The following PCDH11X variants were observed in gnomAD, a reference collection of about 807,000 sequenced individuals.
PCDH11X encodes protocadherin 11 X-linked.
PCDH11X carries 18 observed loss-of-function variants against 53.3 expected under a neutral mutation model. The observed-to-expected ratio is 0.34, with a 90% CI of 0.23 to 0.50. The LOEUF is 0.50. Ranked by LOEUF, PCDH11X falls within the 20% of genes least tolerant of loss-of-function variation. PCDH11X has a pLI of 0.98. For synonymous variants in PCDH11X, 279 were observed against 393.3 expected (o/e 0.71, Z 3.44); for missense variants, 570 against 1,032.4 (o/e 0.55, Z 6.14).
chrX:92,159,221 T>C (rs994357723), intron 6 of PCDH11X, among the ~76,000 whole-genome samples: 30 of 110,829 alleles, frequency 2.7e-4, no homozygotes, highest in African/African-American at 9.5e-4. Context: ...TCCTAGTTAA[T>C]GGAATCATAT....
At chrX:92,066,416 T>C in intron 6 of PCDH11X, among the ~76,000 whole-genome samples, 1 of 101,249 alleles carries the variant, frequency 9.9e-6, no homozygotes, top group South Asian at 5.0e-4. Context: ...TTGCATTGAA[T>C]CTGTAAATTC....
intron 9 of PCDH11X, among the ~76,000 whole-genome samples, chrX:92,397,482 G>A (rs949745100): frequency 1.3e-4 from 14 of 108,659 alleles, no homozygotes; most frequent in Non-Finnish European, 2.1e-4. Flanking sequence ...TTTTTTTTTG[G>A]GTGGGGGGAC....
At chrX:91,925,150 G>C (rs1255556582) in intron 6 of PCDH11X, among the ~76,000 whole-genome samples, 1 of 110,819 alleles carries the variant, frequency 9.0e-6, no homozygotes, top group Non-Finnish European at 1.9e-5. Context: ...CATAAAAAAT[G>C]GACTTAATAC....
chrX:92,592,155 G>GCTAA (rs1365895696), intron 10 of PCDH11X, among the ~76,000 whole-genome samples: 1 of 87,307 alleles, frequency 1.1e-5, no homozygotes, highest in Non-Finnish European at 2.2e-5. Flanking sequence ...TGGGTCAGTT[G>GCTAA]CTAACTCTTT....
chrX:92,029,523 G>T (rs1483600995), intron 6 of PCDH11X, among the ~76,000 whole-genome samples: 1 of 111,451 alleles, frequency 9.0e-6, no homozygotes, highest in African/African-American at 3.3e-5. Flanking sequence ...AGCTCCCAAT[G>T]TAATTAAGAT....
At chrX:92,508,029 G>A (rs1238854271) in intron 10 of PCDH11X, among the ~76,000 whole-genome samples, 2 of 109,828 alleles carry the variant, frequency 1.8e-5, no homozygotes, top group Admixed American at 1.9e-4. Flanking sequence ...TGACCAGGCT[G>A]GTCTCAAGCT....
At chrX:92,181,621 C>T (rs1387398233) in intron 6 of PCDH11X, among the ~76,000 whole-genome samples, 1 of 111,891 alleles carries the variant, frequency 8.9e-6, no homozygotes, top group African/African-American at 3.2e-5. Context: ...AGTCCCTCTG[C>T]TATGTGCAGT....
intron 9 of PCDH11X, among the ~76,000 whole-genome samples, chrX:92,404,679 G>A (rs1008836161): frequency 1.9e-5 from 2 of 105,755 alleles, no homozygotes; most frequent in African/African-American, 6.9e-5. Context: ...GACTTTTAAG[G>A]AAAAATTATA....
intron 6 of PCDH11X, among the ~76,000 whole-genome samples, chrX:92,100,451 G>C (rs1426779254): frequency 1.8e-5 from 2 of 109,729 alleles, no homozygotes; most frequent in Non-Finnish European, 3.8e-5. Flanking sequence ...GTCGCAAGGT[G>C]CTCAGTGGGG....
At chrX:91,820,780 T>A (rs1936646347) in intron 4 of PCDH11X, among the ~76,000 whole-genome samples, 1 of 102,324 alleles carries the variant, frequency 9.8e-6, no homozygotes, top group Admixed American at 9.8e-5. Flanking sequence ...TGCCTAGGCT[T>A]TCTTCTAGCG....
Position 92,218,727 on chromosome X carries a change from T to A in PCDH11X, c.3114+17272T>A, listed in dbSNP as rs769883790. Among the ~76,000 whole-genome samples, 5 of 111,415 alleles carry A rather than the reference T, an allele frequency of 4.5e-5. No homozygotes were observed. In the South Asian group the frequency reaches 1.9e-3, roughly 42 times the overall value. On this transcript the variant is annotated intron_variant, in intron 7 of 10. Coordinates refer to ENST00000682573, the MANE Select transcript of PCDH11X (RefSeq NM_032968.5). ...CCAGCATCATCCTGATACCAAAGCCTGACAGAGACACAACCAAAAAAAAGA... is the reference window on the plus strand; with the variant it reads ...CCAGCATCATCCTGATACCAAAGCCAGACAGAGACACAACCAAAAAAAAGA...
chrX:92,167,555 C>A (rs181227032), intron 6 of PCDH11X, among the ~76,000 whole-genome samples: 28 of 111,473 alleles, frequency 2.5e-4, no homozygotes, highest in Admixed American at 2.1e-3. Flanking sequence ...AGTAATTTTC[C>A]GTGTTGTTTT....
At chrX:92,247,727 T>C (rs2067377395) in intron 7 of PCDH11X, among the ~76,000 whole-genome samples, 1 of 111,834 alleles carries the variant, frequency 8.9e-6, no homozygotes, top group Admixed American at 9.6e-5. Context: ...TATAAGGACG[T>C]CAGTCGTTGG....
chrX:92,012,523 G>A (rs1315726098), intron 6 of PCDH11X, among the ~76,000 whole-genome samples: 3 of 111,367 alleles, frequency 2.7e-5, no homozygotes, highest in East Asian at 2.8e-4. Context: ...AGTACTTTTC[G>A]CAAGTTTGTT....
At chrX:92,543,281 C>G (rs1451256558) in intron 10 of PCDH11X, among the ~76,000 whole-genome samples, 2 of 102,081 alleles carry the variant, frequency 2.0e-5, no homozygotes, top group Non-Finnish European at 4.0e-5. Context: ...ATGTACTTCT[C>G]CAATCGTGAT....
At chrX:92,223,929 A>G (rs2066924805) in intron 7 of PCDH11X, among the ~76,000 whole-genome samples, 1 of 111,373 alleles carries the variant, frequency 9.0e-6, no homozygotes, top group Non-Finnish European at 1.9e-5. Flanking sequence ...GGTTACACAA[A>G]TGCTAAAGTT....
At chrX:91,820,777 G>A (rs1309182866) in intron 4 of PCDH11X, among the ~76,000 whole-genome samples, 3 of 102,124 alleles carry the variant, frequency 2.9e-5, no homozygotes, top group African/African-American at 1.4e-4. Context: ...TAATGCCTAG[G>A]CTTTCTTCTA....
intron 4 of PCDH11X, among the ~76,000 whole-genome samples, chrX:91,822,310 C>G (rs1345819877): frequency 9.5e-6 from 1 of 105,315 alleles, no homozygotes; most frequent in African/African-American, 3.6e-5. Flanking sequence ...GTCCTGGACT[C>G]TTTTTGGTTG....
At chrX:92,192,931 G>A (rs2066225039) in intron 6 of PCDH11X, among the ~76,000 whole-genome samples, 1 of 111,370 alleles carries the variant, frequency 9.0e-6, no homozygotes, top group African/African-American at 3.3e-5. Context: ...TAAAGACGAG[G>A]TTTCACCATG....
Sources: gnomAD v4.1 joint callset for allele counts (sites outside exome capture counted in the v4.1 genomes callset) on GRCh38, gnomAD v4.1.1 for gene constraint, MANE v1.5 for transcripts, NCBI Gene and HGNC (gene_info 2026-07-23, HGNC 2026-07-21) for gene names.